The following PAM variants were observed in gnomAD, a reference collection of about 807,000 sequenced individuals.
PAM encodes peptidyl-glycine alpha-amidating monooxygenase.
In PAM, 72 loss-of-function variants were observed where a neutral mutation model predicts 122.1. The ratio of observed to expected loss-of-function variants is 0.59; its 90% confidence interval spans 0.49 to 0.72. PAM has a LOEUF of 0.72. Among genes scored for constraint, PAM ranks in the 30% least tolerant of loss-of-function variants. The pLI is 0.00. For synonymous variants in PAM, 389 were observed against 404.4 expected (o/e 0.96, Z 0.46); for missense variants, 1,106 against 1,183.7 (o/e 0.93, Z 0.96).
intron 16 of PAM, among the ~76,000 whole-genome samples, chr5:102,998,799 C>A (rs1439458797): frequency 2.0e-5 from 3 of 152,182 alleles, no homozygotes; most frequent in Middle Eastern, 6.8e-3. Context: ...GCATAATTTT[C>A]ACATTATTTA....
Position 102,959,994 on chromosome 5 carries a change from C to T in PAM, c.1025C>T (p.Pro342Leu), listed in dbSNP as rs1562039574. The T allele has an allele frequency of 2.5e-6, 4 of 1,612,044 alleles. No homozygotes were observed. Among genetic ancestry groups the T allele is most frequent in the East Asian group, 4.5e-5 (2 of 44,842 alleles). ...GCTCCAGATATGTTCAGAACCATAC[C>T]ACCAGAGGCCAACATTCCAATTCCC... Reference protein sequence around the residue: ...NVAPDMFRTIPPEANIPIPVK... With the variant: ...NVAPDMFRTILPEANIPIPVK... Residue 342 changes from proline (P) to leucine (L), a missense_variant, in exon 13 of 26, where the codon CCA becomes CTA. Physicochemically the swap from Pro to Leu is moderately conservative, Grantham distance 98. Around this residue, in one of 3 missense-constraint regions of PAM, gnomAD observed 670 missense variants for 690.3 expected, o/e 0.97. Coordinates refer to ENST00000438793, the MANE Select transcript of PAM (RefSeq NM_001177306.2).
At chr5:102,774,862 GATA>G in intron 1 of PAM, among the ~76,000 whole-genome samples, 1 of 152,046 alleles carries the variant, frequency 6.6e-6, no homozygotes. Context: ...AGTTATTAAA[GATA>G]ATTATTTCAG....
At chr5:102,838,370 A>G (rs1448508373) in intron 1 of PAM, 1 of 152,136 alleles carries the variant, frequency 6.6e-6, no homozygotes, top group Non-Finnish European at 1.5e-5. Flanking sequence ...AAATAGCCAC[A>G]CTTGAAGTCT....
Position 102,865,909 on chromosome 5 carries a change from C to T in PAM, c.-287C>T. The T allele has an allele frequency of 2.7e-6, 1 of 363,658 alleles. No homozygotes were observed. Among genetic ancestry groups the T allele is most frequent in the Non-Finnish European group, 4.9e-6 (1 of 205,258 alleles). The allele number at this position is 363,658 out of a possible 1,614,324, so 22.5% of individuals were successfully genotyped here. ...GTCATAAGGCACCCGCGCGTCTAGC[C>T]CCAGCGCCAGGGCACGCGAGCGGCG... On this transcript the variant is annotated 5_prime_UTR_variant, in exon 2 of 26. Coordinates refer to ENST00000438793, the MANE Select transcript of PAM (RefSeq NM_001177306.2).
chr5:102,911,053 A>G (rs942375757), intron 4 of PAM, among the ~76,000 whole-genome samples: 4 of 151,942 alleles, frequency 2.6e-5, no homozygotes, highest in Non-Finnish European at 4.4e-5. Flanking sequence ...TACTGGCAGC[A>G]GCCCTTCAGT....
At chr5:103,016,002 T>C (rs370090118) in intron 21 of PAM, among the ~76,000 whole-genome samples, 56 of 152,282 alleles carry the variant, frequency 3.7e-4, no homozygotes, top group African/African-American at 1.3e-3. Context: ...TATTACGGTA[T>C]AGAACAGGAG....
At chr5:102,971,377 T>A (rs1361574536) in intron 14 of PAM, among the ~76,000 whole-genome samples, 2 of 152,206 alleles carry the variant, frequency 1.3e-5, no homozygotes, top group African/African-American at 4.8e-5. Flanking sequence ...TAAGTAGAAT[T>A]TACTTAAAGG....
chr5:102,841,797 A>G (rs747969326), intron 1 of PAM, among the ~76,000 whole-genome samples: 5 of 152,226 alleles, frequency 3.3e-5, no homozygotes, highest in Non-Finnish European at 7.3e-5. Flanking sequence ...AACAAAATAC[A>G]GACACATAAG....
intron 3 of PAM, chr5:102,896,033 C>CTA (rs1468717217): frequency 5.9e-5 from 9 of 151,668 alleles, no homozygotes; most frequent in Non-Finnish European, 1.3e-4. Flanking sequence ...TCCCGAGTCC[C>CTA]CATCACAGGG....
chr5:103,007,216 C>CACAT (rs1340146159), intron 19 of PAM, among the ~76,000 whole-genome samples: 1 of 151,758 alleles, frequency 6.6e-6, no homozygotes, highest in Admixed American at 6.6e-5. Flanking sequence ...CACACACACA[C>CACAT]ACACACGTCT....
chr5:102,923,727 C>A (rs568027253), intron 5 of PAM, among the ~76,000 whole-genome samples: 2 of 152,330 alleles, frequency 1.3e-5, no homozygotes, highest in Admixed American at 1.3e-4. Context: ...ACAGCCCTAT[C>A]ACAGAGGTTT....
chr5:102,892,838 C>T (rs1030562128), intron 3 of PAM, among the ~76,000 whole-genome samples: 24 of 151,626 alleles, frequency 1.6e-4, no homozygotes, highest in African/African-American at 4.8e-4. Flanking sequence ...GTTATCAATG[C>T]GTAACAAATA....
chr5:102,830,178 T>G (rs1435015644), intron 1 of PAM, among the ~76,000 whole-genome samples: 2 of 152,258 alleles, frequency 1.3e-5, no homozygotes, highest in African/African-American at 4.8e-5. Flanking sequence ...TTAAATATTT[T>G]GAATATTACC....
intron 16 of PAM, among the ~76,000 whole-genome samples, chr5:102,997,638 T>G (rs1049778325): frequency 1.3e-5 from 2 of 152,238 alleles, no homozygotes; most frequent in African/African-American, 4.8e-5. Context: ...AAATTTTCTA[T>G]TACAACACCA....
At chr5:103,026,566 C>G (rs933066298) in intron 24 of PAM, among the ~76,000 whole-genome samples, 2 of 152,002 alleles carry the variant, frequency 1.3e-5, no homozygotes, top group African/African-American at 2.4e-5. Flanking sequence ...TAAGTAGGGG[C>G]AAAGAGAAAT....
At chr5:102,788,747 A>C (rs1761257234) in intron 1 of PAM, among the ~76,000 whole-genome samples, 1 of 152,056 alleles carries the variant, frequency 6.6e-6, no homozygotes, top group African/African-American at 2.4e-5. Flanking sequence ...TCATACTTTT[A>C]CCTGAGACAT....
chr5:103,005,617 C>A (rs1440730041), intron 18 of PAM, among the ~76,000 whole-genome samples: 1 of 152,144 alleles, frequency 6.6e-6, no homozygotes, highest in Non-Finnish European at 1.5e-5. Context: ...CATGAGAACT[C>A]TACCCTTTTG....
chr5:102,870,100 GA>G (rs941106882), intron 3 of PAM, among the ~76,000 whole-genome samples: 2 of 146,260 alleles, frequency 1.4e-5, no homozygotes, highest in African/African-American at 5.4e-5. Flanking sequence ...AATGGCAGAG[GA>G]TTTTTTTTTT....
intron 16 of PAM, among the ~76,000 whole-genome samples, chr5:102,993,467 A>G (rs1774774349): frequency 6.6e-6 from 1 of 152,070 alleles, no homozygotes; most frequent in South Asian, 2.1e-4. Flanking sequence ...TAACTTAACT[A>G]TGGGTCTTGC....
Sources: allele counts gnomAD v4.1 joint callset (sites outside exome capture counted in the v4.1 genomes callset), GRCh38; gene constraint gnomAD v4.1.1; regional missense constraint gnomAD v4.1.1; transcripts MANE v1.5; gene names NCBI Gene and HGNC (gene_info 2026-07-23, HGNC 2026-07-21).